The following LRFN3 variants were observed in gnomAD, a reference collection of about 807,000 sequenced individuals.
LRFN3 encodes the protein leucine-rich repeat and fibronectin type-III domain-containing protein 3.
Under a neutral mutation model 23.8 loss-of-function variants are expected in LRFN3, and 8 were observed. The ratio of observed to expected loss-of-function variants is 0.34; its 90% CI spans 0.20 to 0.61. The LOEUF (loss-of-function observed/expected upper bound fraction) is 0.61, where lower values mean the gene tolerates loss of function less well. LRFN3 is among the 20% of genes least tolerant of loss of function. LRFN3 has a pLI of 0.80. For missense variants in LRFN3, 736 were observed against 935.3 expected, an observed-to-expected ratio of 0.79 and a Z score of 2.78; for synonymous variants, 451 against 450.6, an observed-to-expected ratio of 1.00 and a Z score of -0.01.
Position 35,939,870 on chromosome 19 carries a change from G to A in LRFN3, c.445G>A (p.Gly149Ser), listed in dbSNP as rs373698909. ...SNNQLAALAAGALDDCAETLE... is the reference protein window; with the variant it reads ...SNNQLAALAASALDDCAETLE... ...CAACCAGCTGGCAGCGCTGGCGGCCGGCGCCCTGGATGATTGTGCCGAGAC... is the reference window on the plus strand; with the variant it reads ...CAACCAGCTGGCAGCGCTGGCGGCCAGCGCCCTGGATGATTGTGCCGAGAC... Residue 149 changes from glycine to serine, a missense_variant, in exon 2 of 3, where the codon GGC (glycine) becomes AGC (serine). Coordinates refer to ENST00000246529, the MANE Select transcript of LRFN3 (RefSeq NM_024509.2). The surrounding 1 kb of genome is among the most constrained non-coding windows in gnomAD (Gnocchi z 6.4). The A allele has an allele frequency of 2.7e-5, 43 of 1,601,080 alleles. 1 individual carries two copies. Among genetic ancestry groups the A allele is most frequent in the South Asian group, 3.3e-5 (3 of 91,068 alleles).
At position 35,945,035 on chromosome 19, in the gene LRFN3, T is replaced by G. The variant is rs201851860; in HGVS notation, c.*16T>G. The G allele has an allele frequency of 4.4e-6, 4 of 919,030 alleles. No individual in the cohort carries two copies. The highest frequency in any genetic ancestry group is 4.2e-5 in the East Asian group (1 of 24,010). 56.9% of individuals were successfully genotyped at this position (919,030 alleles called of 1,614,324 possible). On this transcript the variant is annotated 3_prime_UTR_variant, in exon 3 of 3. Transcript: ENST00000246529. ...GGGACCCTAGCCAGGCGCCCCCCCC[T>G]CTAAGGGTCCTCTGGCCCCACGGAC...
chr19:35,944,485 G>A lies in LRFN3; in HGVS notation c.1416-63G>A. Reference sequence around the variant, plus strand: ...AGTCTAGCCCCGCAGGGAGTTTGGTGGGGGAAGCACAGGTTGGGGGCTGGG... The same window carrying A: ...AGTCTAGCCCCGCAGGGAGTTTGGTAGGGGAAGCACAGGTTGGGGGCTGGG... On this transcript the variant is annotated intron_variant, in intron 2 of 2. Transcript: ENST00000246529. The surrounding 1 kb of genome is among the most constrained non-coding windows in gnomAD (Gnocchi z 4.5). 1.7e-6 allele frequency: 2 copies of A among 1,205,444 alleles called. No homozygotes were observed. Among genetic ancestry groups the A allele is most frequent in the Admixed American group, 3.7e-5 (1 of 27,228 alleles). The allele number at this position is 1,205,444 out of a possible 1,614,324, so 74.7% of individuals were successfully genotyped here. A position where few individuals can be genotyped will look rare whatever the true frequency, so the allele number is the denominator to read the frequency against.
Position 35,939,625 on chromosome 19 carries a change from C to G in LRFN3, c.200C>G (p.Ala67Gly). 6.2e-7 allele frequency: 1 copy of G among 1,609,166 alleles called. No homozygotes were observed. Among genetic ancestry groups the G allele is most frequent in the Non-Finnish European group, 8.5e-7 (1 of 1,179,442 alleles). Residue 67 changes from alanine (A) to glycine (G), a missense_variant, in exon 2 of 3, where the codon GCA becomes GGA. Transcript: ENST00000246529. This position sits in a 1 kb window ranked among gnomAD's most constrained non-coding sequence, Gnocchi z 6.4. ...CGCCGGGCAGCCGAGCTGCGGCTGG[C>G]AGACAACTTCATCGCCTCCGTGCGC... ...LDRRAAELRL[A>G]DNFIASVRRR... is the part of the protein sequence containing the mutation.
Position 35,945,878 on chromosome 19 carries a change from TGGA to T in LRFN3, c.*860_*862del, listed in dbSNP as rs1354924641. ...GATCCTTCTAGTGCTATGAGTAGGG[TGGA>T]CCCAAGGGGAAGACTGAAGCTGGGA... On this transcript the variant is annotated 3_prime_UTR_variant, in exon 3 of 3. Coordinates refer to ENST00000246529, the MANE Select transcript of LRFN3 (RefSeq NM_024509.2). 1.3e-5 allele frequency: 2 copies of T among 151,976 alleles called. No homozygotes were observed. The highest frequency in any genetic ancestry group is 2.9e-5 in the Non-Finnish European group (2 of 68,138). 9.4% of individuals were successfully genotyped at this position (151,976 alleles called of 1,614,324 possible).
At chr19:35,941,720 C>T (rs1976123993) in intron 2 of LRFN3, among the ~76,000 whole-genome samples, 1 of 152,066 alleles carries the variant, frequency 6.6e-6, no homozygotes, top group South Asian at 2.1e-4. Flanking sequence ...AGACGTGCAC[C>T]AGCACGCCCA....
At chr19:35,941,189 G>T (rs1363418928) in intron 2 of LRFN3, among the ~76,000 whole-genome samples, 1 of 146,006 alleles carries the variant, frequency 6.8e-6, no homozygotes, top group Non-Finnish European at 1.5e-5. Flanking sequence ...TAGGCAGCAA[G>T]AATAAATAGT....
In LRFN3 at chr19:35,940,148, CCTGGTG is replaced by C; in HGVS notation, c.728_733del (p.Val243_Leu244del). 1 of 1,611,348 alleles carries C rather than the reference CCTGGTG, an allele frequency of 6.2e-7. No homozygotes were observed. The highest frequency in any genetic ancestry group is 8.5e-7 in the Non-Finnish European group (1 of 1,179,590). On this transcript the variant is annotated inframe_deletion, in exon 2 of 3. Transcript: ENST00000246529. ...GGCCCCGGGGCTCGCCCGCCTCTGC[CCTGGTG>C]CTGGCCTTTGGCGGGAACCCCCTGC...
chr19:35,941,654 C>CA (rs1385638219), intron 2 of LRFN3, among the ~76,000 whole-genome samples: 1 of 152,066 alleles, frequency 6.6e-6, no homozygotes, highest in Non-Finnish European at 1.5e-5. Flanking sequence ...CTACAACCTC[C>CA]ACTTCCCGGG....
In LRFN3 at chr19:35,939,944, G is replaced by T; in HGVS notation, c.519G>T (p.Trp173Cys). 6.2e-7 allele frequency: 1 copy of T among 1,607,496 alleles called. No individual in the cohort carries two copies. The highest frequency in any genetic ancestry group is 8.5e-7 in the Non-Finnish European group (1 of 1,179,828). ...ACAACAACCTCGAGCAGCTGCCCTGGGAGGCCCTGGGCCGCCTGGGCAACG... is the reference window on the plus strand; with the variant it reads ...ACAACAACCTCGAGCAGCTGCCCTGTGAGGCCCTGGGCCGCCTGGGCAACG... ...LSYNNLEQLP[W>C]EALGRLGNVN... is the part of the protein sequence containing the mutation. The change falls in exon 2 of 3, where the codon TGG becomes TGT. Residue 173 changes from tryptophan to cysteine, a missense_variant. Transcript: ENST00000246529. The surrounding 1 kb of genome is among the most constrained non-coding windows in gnomAD (Gnocchi z 6.4).
chr19:35,944,874 G>C lies in LRFN3; in HGVS notation c.1742G>C (p.Ser581Thr). The C allele has an allele frequency of 6.3e-7, 1 of 1,598,264 alleles. No individual in the cohort carries two copies. The highest frequency in any genetic ancestry group is 8.5e-7 in the Non-Finnish European group (1 of 1,178,654). The change falls in exon 3 of 3, where the codon AGC (serine) becomes ACC (threonine). Residue 581 changes from serine to threonine, a missense_variant. Ser to Thr is a moderately conservative substitution (Grantham distance 58). Coordinates refer to ENST00000246529, the MANE Select transcript of LRFN3 (RefSeq NM_024509.2). This position sits in a 1 kb window ranked among gnomAD's most constrained non-coding sequence, Gnocchi z 4.5. ...GKAKIPAPVS[S>T]VCSQTNGALG... ...GCCAAGATTCCCGCGCCTGTTAGCA[G>C]CGTTTGCTCCCAGACCAACGGCGCC...
rs752604678 is a variant in LRFN3, at chr19:35,939,968, C to T, written c.543C>T (p.Asn181=). The T allele has an allele frequency of 5.0e-6, 8 of 1,609,984 alleles. No individual in the cohort carries two copies. Among genetic ancestry groups the T allele is most frequent in the Middle Eastern group, 1.6e-4 (1 of 6,084 alleles). The part of the protein sequence containing the change: ...LPWEALGRLG[N]VNTLGLDHNL... ...GGGAGGCCCTGGGCCGCCTGGGCAA[C>T]GTCAACACGTTGGGCCTCGACCACA... The change falls in exon 2 of 3, where the codon AAC becomes AAT. Residue 181 remains asparagine, a synonymous_variant. Transcript: ENST00000246529. The surrounding 1 kb of genome is among the most constrained non-coding windows in gnomAD (Gnocchi z 6.4).
chr19:35,938,609 TC>T (rs1976082839), intron 1 of LRFN3, among the ~76,000 whole-genome samples: 1 of 152,176 alleles, frequency 6.6e-6, no homozygotes, highest in South Asian at 2.1e-4. Flanking sequence ...CGCACCATCC[TC>T]CTGAGCAGCT....
intron 1 of LRFN3, among the ~76,000 whole-genome samples, chr19:35,938,684 C>T (rs1462433154): frequency 6.6e-6 from 1 of 152,198 alleles, no homozygotes; most frequent in Non-Finnish European, 1.5e-5. Context: ...ACCTTGCTGG[C>T]TTTGGGCCGT....
Position 35,940,158 on chromosome 19 carries a change from G to A in LRFN3, c.733G>A (p.Ala245Thr). ...CTCGCCCGCCTCTGCCCTGGTGCTGGCCTTTGGCGGGAACCCCCTGCACTG... is the reference window on the plus strand; with the variant it reads ...CTCGCCCGCCTCTGCCCTGGTGCTGACCTTTGGCGGGAACCCCCTGCACTG... Reference protein sequence around the residue: ...RGSPASALVLAFGGNPLHCNC... With the variant: ...RGSPASALVLTFGGNPLHCNC... Residue 245 changes from alanine (A) to threonine (T), a missense_variant, in exon 2 of 3, where the codon GCC (alanine) becomes ACC (threonine). By Grantham distance (58) the Ala-to-Thr change is moderately conservative. Transcript: ENST00000246529. 6.2e-7 allele frequency: 1 copy of A among 1,610,856 alleles called. No individual in the cohort carries two copies. Among genetic ancestry groups the A allele is most frequent in the South Asian group, 1.1e-5 (1 of 91,060 alleles).
Position 35,945,302 on chromosome 19 carries a change from T to C in LRFN3, c.*283T>C. On this transcript the variant is annotated 3_prime_UTR_variant, in exon 3 of 3. Coordinates refer to ENST00000246529, the MANE Select transcript of LRFN3 (RefSeq NM_024509.2). ...CACCCCCTCCCCGCCCAGTTCAGTC[T>C]GAGGACCCCGGAGGAGGCTGAGGAT... 1 of 342,740 alleles carries C rather than the reference T, an allele frequency of 2.9e-6. No homozygotes were observed. Among genetic ancestry groups the C allele is most frequent in the African/African-American group, 2.2e-5 (1 of 46,454 alleles). The allele number at this position is 342,740 out of a possible 1,614,324, so 21.2% of individuals were successfully genotyped here.
chr19:35,940,256 T>G lies in LRFN3; in HGVS notation c.831T>G (p.Ala277=). Residue 277 remains alanine, a synonymous_variant, in exon 2 of 3, where the codon GCT becomes GCG. Coordinates refer to ENST00000246529, the MANE Select transcript of LRFN3 (RefSeq NM_024509.2). ...DDLEACASPP[A]LGGRYFWAVG... is the part of the protein sequence containing the mutation. ...TCGAGGCCTGCGCGTCCCCACCTGC[T>G]CTGGGCGGCCGCTACTTCTGGGCGG... The G allele has an allele frequency of 6.2e-7, 1 of 1,605,320 alleles. No individual in the cohort carries two copies. Among genetic ancestry groups the G allele is most frequent in the Non-Finnish European group, 8.5e-7 (1 of 1,178,832 alleles).
At position 35,940,128 on chromosome 19, in the gene LRFN3, C is replaced by T. The variant is rs769862426; in HGVS notation, c.703C>T (p.Arg235Trp). 19 of 1,610,608 alleles carry T rather than the reference C, an allele frequency of 1.2e-5. No individual in the cohort carries two copies. Among genetic ancestry groups the T allele is most frequent in the East Asian group, 2.2e-5 (1 of 44,864 alleles). The change falls in exon 2 of 3, where the codon CGG becomes TGG. Residue 235 changes from arginine to tryptophan, a missense_variant. This residue lies in a region of LRFN3 where 446 missense variants were observed against 647.9 expected (regional missense o/e 0.69). Transcript: ENST00000246529. ...FSRLPLLARP[R>W]GSPASALVLA... ...CCGCCTGCCCCTGCTCGCCAGGCCC[C>T]GGGGCTCGCCCGCCTCTGCCCTGGT...
chr19:35,942,751 A>AAGGT (rs1196007801), intron 2 of LRFN3, among the ~76,000 whole-genome samples: 2 of 152,092 alleles, frequency 1.3e-5, no homozygotes, highest in East Asian at 3.9e-4. Context: ...CAAGTCGGCC[A>AAGGT]GGCGCGGTGG....
rs753233372 is a variant in LRFN3, at chr19:35,939,405, C to T, written c.-16-5C>T. On this transcript the variant is annotated splice_region_variant and splice_polypyrimidine_tract_variant and intron_variant, in intron 1 of 2. Coordinates refer to ENST00000246529, the MANE Select transcript of LRFN3 (RefSeq NM_024509.2). This position sits in a 1 kb window ranked among gnomAD's most constrained non-coding sequence, Gnocchi z 6.4. ...CTGCCCTCACGCCTCCCCTCTTCTCCGCAGGACACCCCTGCCCGCGATGGC... is the reference window on the plus strand; with the variant it reads ...CTGCCCTCACGCCTCCCCTCTTCTCTGCAGGACACCCCTGCCCGCGATGGC... 14 of 1,557,944 alleles carry T rather than the reference C, an allele frequency of 9.0e-6. No individual in the cohort carries two copies. The highest frequency in any genetic ancestry group is 1.7e-5 in the Admixed American group (1 of 57,812).
Sources: allele counts gnomAD v4.1 joint callset (sites outside exome capture counted in the v4.1 genomes callset), GRCh38; gene constraint gnomAD v4.1.1; regional missense constraint gnomAD v4.1.1; non-coding constraint Gnocchi (gnomAD v3.1); transcripts MANE v1.5; gene names NCBI Gene and HGNC (gene_info 2026-07-23, HGNC 2026-07-21).